ROBO2: variants seen among roughly 807,000 people sequenced by gnomAD.
The protein encoded by ROBO2 is roundabout guidance receptor 2.
Under a neutral mutation model 160.8 loss-of-function variants are expected in ROBO2, and 53 were observed. That is an observed-to-expected ratio of 0.33 (90% CI 0.26 to 0.41). The LOEUF (loss-of-function observed/expected upper bound fraction) is 0.41. Among genes scored for constraint, ROBO2 ranks in the 10% least tolerant of loss-of-function variants. ROBO2 has a pLI of 1.00. For synonymous variants in ROBO2, 664 were observed against 611.7 expected (o/e 1.09, Z -1.26); for missense variants, 1,577 against 1,722.4 (o/e 0.92, Z 1.49).
At chr3:76,323,177 C>CACACA (rs2072723842) in intron 2 of ROBO2, among the ~76,000 whole-genome samples, 1 of 81,012 alleles carries the variant, frequency 1.2e-5, no homozygotes, top group Admixed American at 1.2e-4. Flanking sequence ...ACACACACAC[C>CACACA]CCTAAAGGCT....
At chr3:76,349,187 A>T (rs11486559) in intron 2 of ROBO2, among the ~76,000 whole-genome samples, 115,127 of 151,982 alleles carry the variant, frequency 0.76, 46,713 homozygotes, top group East Asian at 0.95. Context: ...AGATTTTTTT[A>T]AAAGTACTTC....
intron 5 of ROBO2, among the ~76,000 whole-genome samples, chr3:77,520,751 A>G (rs771108420): frequency 2.0e-5 from 3 of 151,360 alleles, no homozygotes; most frequent in Non-Finnish European, 4.4e-5. Context: ...AAATGTTTCT[A>G]TCTTACAGCT....
intron 2 of ROBO2, among the ~76,000 whole-genome samples, chr3:76,568,523 G>T (rs1371900149): frequency 6.6e-6 from 1 of 150,964 alleles, no homozygotes; most frequent in East Asian, 2.0e-4. Context: ...AGCCAGGATG[G>T]TCTCGATCTC....
At chr3:77,290,237 A>G (rs1421572082) in intron 2 of ROBO2, among the ~76,000 whole-genome samples, 2 of 147,774 alleles carry the variant, frequency 1.4e-5, no homozygotes, top group African/African-American at 5.1e-5. Flanking sequence ...GACATAAAGT[A>G]AAATTGATGG....
chr3:77,550,336 T>C (rs1484014030), intron 7 of ROBO2, among the ~76,000 whole-genome samples: 15 of 151,976 alleles, frequency 9.9e-5, no homozygotes, highest in Non-Finnish European at 1.5e-5. Context: ...TTGGGAGAAA[T>C]TCAGTTGAGT....
exon 5 of ROBO2, chr3:77,493,296 A>C (rs1433914683): frequency 3.7e-6 from 6 of 1,614,086 alleles, no homozygotes; most frequent in Non-Finnish European, 5.1e-6. Context: ...TGGAGGAAGA[A>C]GCTGTAGAAT....
intron 2 of ROBO2, among the ~76,000 whole-genome samples, chr3:76,175,646 A>G (rs2073202815): frequency 6.6e-6 from 1 of 152,046 alleles, no homozygotes; most frequent in Admixed American, 6.6e-5. Flanking sequence ...TGCCTCTTGG[A>G]TCTCTGGAAC....
chr3:76,791,027 G>A (rs1167966656), intron 2 of ROBO2, among the ~76,000 whole-genome samples: 1 of 151,768 alleles, frequency 6.6e-6, no homozygotes, highest in Non-Finnish European at 1.5e-5. Context: ...TTCAGCAAAT[G>A]TTCTCTTCTG....
At chr3:76,650,240 G>A (rs545315854) in intron 2 of ROBO2, among the ~76,000 whole-genome samples, 2 of 152,200 alleles carry the variant, frequency 1.3e-5, no homozygotes, top group East Asian at 3.9e-4. Flanking sequence ...ATAAGTGTTG[G>A]CTACACGGTA....
At chr3:77,538,327 G>A (rs899242162) in intron 6 of ROBO2, among the ~76,000 whole-genome samples, 3 of 151,502 alleles carry the variant, frequency 2.0e-5, no homozygotes, top group African/African-American at 7.3e-5. Context: ...TACAGTCGCC[G>A]CCACGACGCC....
intron 6 of ROBO2, among the ~76,000 whole-genome samples, chr3:77,526,916 T>C (rs1453314979): frequency 1.3e-5 from 2 of 151,498 alleles, no homozygotes; most frequent in Non-Finnish European, 3.0e-5. Flanking sequence ...TCTCAACTTA[T>C]TACTGACTGA....
In ROBO2 at chr3:76,641,177, T is replaced by C. The variant is rs368198634; in HGVS notation, c.110-456837T>C. 1.9e-4 allele frequency among the ~76,000 whole-genome samples: 29 copies of C among 152,276 alleles called. No individual in the cohort carries two copies. In the East Asian group the frequency reaches 5.0e-3, roughly 26 times the overall value. On this transcript the variant is annotated intron_variant, in intron 2 of 26. Transcript: ENST00000487694. ...TCTGAAGAGAAACAGGATACAGGCA[T>C]AGTTTTGACATACCACCCCAAGATA...
chr3:77,141,543 TCA>T (rs1032881669), intron 2 of ROBO2, among the ~76,000 whole-genome samples: 5 of 152,166 alleles, frequency 3.3e-5, no homozygotes, highest in African/African-American at 1.2e-4. Context: ...CTACCCCCTC[TCA>T]GTTATTCATT....
At chr3:76,386,588 A>G (rs569365603) in intron 2 of ROBO2, among the ~76,000 whole-genome samples, 1 of 151,996 alleles carries the variant, frequency 6.6e-6, no homozygotes, top group Non-Finnish European at 1.5e-5. Context: ...AATGAGGCCA[A>G]TTGTCTATGT....
At chr3:76,337,159 C>G (rs545793148) in intron 2 of ROBO2, among the ~76,000 whole-genome samples, 1 of 152,238 alleles carries the variant, frequency 6.6e-6, no homozygotes, top group African/African-American at 2.4e-5. Context: ...CATTATTAAA[C>G]ATTTGTCATT....
At chr3:76,132,107 C>A (rs769732225) in intron 2 of ROBO2, among the ~76,000 whole-genome samples, 3 of 152,000 alleles carry the variant, frequency 2.0e-5, no homozygotes, top group Non-Finnish European at 4.4e-5. Flanking sequence ...TGGTCATACT[C>A]GTGGCTAAGA....
chr3:76,339,480 G>A (rs1227563686), intron 2 of ROBO2, among the ~76,000 whole-genome samples: 1 of 152,116 alleles, frequency 6.6e-6, no homozygotes, highest in African/African-American at 2.4e-5. Context: ...AGTGGCATAT[G>A]AGATTATGTT....
intron 2 of ROBO2, among the ~76,000 whole-genome samples, chr3:76,871,418 G>A (rs1025074022): frequency 6.6e-6 from 1 of 150,488 alleles, no homozygotes; most frequent in African/African-American, 2.4e-5. Flanking sequence ...GCCGGGCGTA[G>A]TGGCGGGCGC....
chr3:76,944,856 C>T (rs906650577), intron 2 of ROBO2, among the ~76,000 whole-genome samples: 3 of 151,608 alleles, frequency 2.0e-5, no homozygotes, highest in African/African-American at 7.3e-5. Flanking sequence ...CCAGCAGGTC[C>T]TGTGGCCCTC....
Sources: gnomAD v4.1 joint callset for allele counts (sites outside exome capture counted in the v4.1 genomes callset) on GRCh38, gnomAD v4.1.1 for gene constraint, MANE v1.5 for transcripts, NCBI Gene and HGNC (gene_info 2026-07-23, HGNC 2026-07-21) for gene names.